The following ITGA7 variants were observed in gnomAD, a reference collection of about 807,000 sequenced individuals.
ITGA7 encodes integrin subunit alpha 7, also known as integrin alpha-7.
ITGA7 carries 84 observed loss-of-function variants against 131.6 expected under a neutral mutation model. The observed-to-expected ratio is 0.64, with a 90% CI of 0.54 to 0.77. The LOEUF is 0.77. Ranked by LOEUF, ITGA7 falls within the 30% of genes least tolerant of loss-of-function variation. ITGA7 has a pLI of 0.00. For missense variants in ITGA7, 1,399 were observed against 1,482.9 expected (o/e 0.94, Z 0.93); for synonymous variants, 548 against 600.7 (o/e 0.91, Z 1.28).
chr12:55,710,547 C>T (rs1876000376), upstream of ITGA7, among the ~76,000 whole-genome samples: 1 of 151,938 alleles, frequency 6.6e-6, no homozygotes, highest in African/African-American at 2.4e-5. Context: ...GAGGCCAAGG[C>T]AGGAGGATCA....
chr12:55,715,664 A>C (rs1876460016), upstream of ITGA7, among the ~76,000 whole-genome samples: 1 of 152,126 alleles, frequency 6.6e-6, no homozygotes, highest in Admixed American at 6.5e-5. Flanking sequence ...GAGAAGAAAG[A>C]GGGTTGGGAG....
At chr12:55,688,410 T>C in intron 22 of ITGA7, 110 bp from the exon 23 acceptor site, 3 of 888,664 alleles carry the variant, frequency 3.4e-6, no homozygotes, top group Non-Finnish European at 5.5e-6. Flanking sequence ...AGGATGTTTC[T>C]GCCTGGTTTG....
chr12:55,699,761 T>G, intron 5 of ITGA7, 109 bp downstream of exon 5: 1 of 1,328,076 alleles, frequency 7.5e-7, no homozygotes, highest in African/African-American at 1.5e-5. Flanking sequence ...TCTCCCTGGG[T>G]GTGTGTTGGG....
upstream of ITGA7, among the ~76,000 whole-genome samples, chr12:55,714,861 T>C (rs1320201757): frequency 1.3e-5 from 1 of 76,864 alleles, no homozygotes; most frequent in Non-Finnish European, 2.1e-5. Flanking sequence ...GAATCAAGGC[T>C]TTTTTTTTTT....
In ITGA7 at chr12:55,707,670, G is replaced by T; in HGVS notation, c.13C>A (p.Arg5=). Residue 5 remains arginine (R), a synonymous_variant, in exon 1 of 25, where the codon CGG becomes AGG. Coordinates refer to ENST00000257879, the MANE Select transcript of ITGA7 (RefSeq NM_002206.3). ...GAGGCCCCCCAAGGGTCGCGGCTCC[G>T]AGCCCCGGCCATGGGACGATCCCTG... MAGA[R]SRDPWGASGI... 1 of 1,577,866 alleles carries T rather than the reference G, an allele frequency of 6.3e-7. No individual in the cohort carries two copies. Among genetic ancestry groups the T allele is most frequent in the Non-Finnish European group, 8.6e-7 (1 of 1,161,720 alleles).
chr12:55,686,684 G>A lies in ITGA7; in HGVS notation c.3183+1287C>T, dbSNP rs146996528. ...ACCCCGGTGATGTATGTGATTCCGTGTACTGACGTGTGCATGTGCATACTT... is the reference window on the plus strand; with the variant it reads ...ACCCCGGTGATGTATGTGATTCCGTATACTGACGTGTGCATGTGCATACTT... On this transcript the variant is annotated intron_variant, in intron 24 of 24. Transcript: ENST00000257879. Among the ~76,000 whole-genome samples the A allele has an allele frequency of 1.8e-3, 268 of 152,324 alleles. 1 individual carries two copies. The highest frequency in any genetic ancestry group is 6.8e-3 in the Middle Eastern group (2 of 294).
rs1875459046 is a variant in ITGA7, at chr12:55,707,479, G to C, written c.204C>G (p.Ser68Arg). ...TCTGGGCGGGTGCGGTGACTCACCAGCTCTGGGGTCGGGGCTGCAACTGCC... is the reference window on the plus strand; with the variant it reads ...TCTGGGCGGGTGCGGTGACTCACCACCTCTGGGGTCGGGGCTGCAACTGCC... ...LHRQLQPRPQ[S>R]WLLVGAPQAL... Residue 68 changes from serine to arginine, a missense_variant and splice_region_variant, in exon 1 of 25, where the codon AGC becomes AGG. Physicochemically the swap from Ser to Arg is moderately radical, Grantham distance 110. Transcript: ENST00000257879. 6.2e-7 allele frequency: 1 copy of C among 1,612,866 alleles called. No individual in the cohort carries two copies. Among genetic ancestry groups the C allele is most frequent in the Non-Finnish European group, 8.5e-7 (1 of 1,179,334 alleles).
At chr12:55,696,132 A>G in intron 13 of ITGA7, 151 bp downstream of exon 13, 1 of 827,802 alleles carries the variant, frequency 1.2e-6, no homozygotes, top group Non-Finnish European at 1.9e-6. Flanking sequence ...GACTAGGAAC[A>G]TGGTCATTTA....
chr12:55,705,964 AC>A (rs953677200), intron 1 of ITGA7, among the ~76,000 whole-genome samples: 1 of 151,554 alleles, frequency 6.6e-6, no homozygotes, highest in East Asian at 1.9e-4. Context: ...CCTCTCACAT[AC>A]CCCCCGCCCC....
chr12:55,715,833 C>T (rs115736860), upstream of ITGA7: 762 of 548,154 alleles, frequency 1.4e-3, 7 homozygotes, highest in African/African-American at 0.013. Flanking sequence ...CTGACACCAC[C>T]AGCCCTCGAA....
upstream of ITGA7, among the ~76,000 whole-genome samples, chr12:55,713,258 A>C (rs935417791): frequency 6.6e-5 from 10 of 152,008 alleles, no homozygotes; most frequent in Non-Finnish European, 1.5e-4. Flanking sequence ...CACTCTTCCC[A>C]CTTCTATTGA....
chr12:55,694,420 C>T lies in ITGA7; in HGVS notation c.2357+23G>A. The T allele has an allele frequency of 6.2e-7, 1 of 1,613,888 alleles. No individual in the cohort carries two copies. Among genetic ancestry groups the T allele is most frequent in the Non-Finnish European group, 8.5e-7 (1 of 1,179,798 alleles). On this transcript the variant is annotated intron_variant, in intron 17 of 24. Coordinates refer to ENST00000257879, the MANE Select transcript of ITGA7 (RefSeq NM_002206.3). The surrounding 1 kb of genome is among the most constrained non-coding windows in gnomAD (Gnocchi z 5.3). ...GTCAATATGACTACCCCCACCTCACCCTTCCGGCCCCGCCTGGCTTACGTG... is the reference window on the plus strand; with the variant it reads ...GTCAATATGACTACCCCCACCTCACTCTTCCGGCCCCGCCTGGCTTACGTG...
At chr12:55,690,375 T>C (rs1171480690) in intron 21 of ITGA7, among the ~76,000 whole-genome samples, 1 of 150,474 alleles carries the variant, frequency 6.6e-6, no homozygotes, top group African/African-American at 2.4e-5. Context: ...GAAAAAATGC[T>C]CACCATCACT....
upstream of ITGA7, among the ~76,000 whole-genome samples, chr12:55,713,062 GT>G (rs1876251052): frequency 6.7e-6 from 1 of 150,186 alleles, no homozygotes; most frequent in South Asian, 2.1e-4. Context: ...CTCACCCTCT[GT>G]TTCACTTATC....
upstream of ITGA7, among the ~76,000 whole-genome samples, chr12:55,710,702 G>A (rs144944876): frequency 8.7e-3 from 1,326 of 152,222 alleles, 17 homozygotes; most frequent in African/African-American, 0.03. Flanking sequence ...GGTGAAGGCT[G>A]CAGTGAGCCA....
At position 55,707,823 on chromosome 12, in the gene ITGA7, C is replaced by CCGA; in HGVS notation, c.-142_-141insTCG. 1 of 1,456,444 alleles carries CCGA rather than the reference C, an allele frequency of 6.9e-7. No individual in the cohort carries two copies. The highest frequency in any genetic ancestry group is 1.4e-5 in the African/African-American group (1 of 70,496). 90.2% of individuals were successfully genotyped at this position (1,456,444 alleles called of 1,614,324 possible). ...CTCCCAGACGTTCGCCCCGCCAGCC[C>CCGA]TCCCGCCCGCCCGCCGCTCCGCCAC... On this transcript the variant is annotated 5_prime_UTR_variant, in exon 1 of 25. Transcript: ENST00000257879.
chr12:55,692,809 G>C, intron 21 of ITGA7, 35 bp downstream of exon 21: 1 of 1,581,060 alleles, frequency 6.3e-7, no homozygotes, highest in Non-Finnish European at 8.6e-7. Context: ...CAGCACCCCG[G>C]AGCTCTGGCT....
At chr12:55,715,820 G>A (rs1343178285), upstream of ITGA7, 1 of 495,684 alleles carries the variant, frequency 2.0e-6, no homozygotes, top group African/African-American at 2.0e-5. Flanking sequence ...GGTGATAGAC[G>A]GCCTGACACC....
At chr12:55,715,910 A>C, upstream of ITGA7, 1 of 1,066,518 alleles carries the variant, frequency 9.4e-7, no homozygotes, top group Non-Finnish European at 1.3e-6. Context: ...TACTTCTTCC[A>C]ACACTCACCA....
Sources: gnomAD v4.1 joint callset for allele counts (sites outside exome capture counted in the v4.1 genomes callset) on GRCh38, gnomAD v4.1.1 for gene constraint, Gnocchi (gnomAD v3.1) non-coding constraint, MANE v1.5 for transcripts, NCBI Gene and HGNC (gene_info 2026-07-23, HGNC 2026-07-21) for gene names.